Variants in NBEAL1 observed in about 807,000 individuals in gnomAD.
NBEAL1 encodes neurobeachin-like protein 1.
A neutral mutation model predicts 351.3 loss-of-function variants in NBEAL1; 273 were observed. The observed-to-expected ratio is 0.78, with a 90% CI of 0.70 to 0.86. NBEAL1 has a LOEUF of 0.86. NBEAL1 is among the 40% of genes least tolerant of loss of function. The pLI is 0.00. For missense variants in NBEAL1, 2,961 were observed against 3,201.3 expected (o/e 0.92, Z 1.81); for synonymous variants, 1,050 against 1,086.4 (o/e 0.97, Z 0.66).
intron 46 of NBEAL1, chr2:203,191,319 GAAAAAA>G: frequency 5.1e-6 from 2 of 391,066 alleles, no homozygotes; most frequent in Non-Finnish European, 8.7e-6. Context: ...TTTGACAACT[GAAAAAA>G]AAAAAAAAAA....
chr2:203,117,600 T>C (rs2062729284), intron 18 of NBEAL1, among the ~76,000 whole-genome samples: 1 of 152,228 alleles, frequency 6.6e-6, no homozygotes, highest in South Asian at 2.1e-4. Flanking sequence ...AGTTCTTTTG[T>C]CTTTTTTTCC....
chr2:203,085,732 G>A (rs1357987730), intron 10 of NBEAL1: 3 of 152,060 alleles, frequency 2.0e-5, no homozygotes, highest in East Asian at 3.8e-4. Context: ...TACAATTAAA[G>A]TAATACATAC....
intron 19 of NBEAL1, among the ~76,000 whole-genome samples, chr2:203,124,992 T>C (rs1018745488): frequency 6.6e-6 from 1 of 152,230 alleles, no homozygotes; most frequent in African/African-American, 2.4e-5. Flanking sequence ...TTTTCATTGT[T>C]TATTCTCTTG....
At chr2:203,087,251 C>G (rs1300503974) in intron 10 of NBEAL1, among the ~76,000 whole-genome samples, 2 of 151,996 alleles carry the variant, frequency 1.3e-5, no homozygotes, top group Non-Finnish European at 2.9e-5. Flanking sequence ...CGCCACCGTG[C>G]CCGGCTAATT....
intron 46 of NBEAL1, among the ~76,000 whole-genome samples, chr2:203,192,898 A>G (rs1177310630): frequency 1.3e-5 from 2 of 150,910 alleles, no homozygotes; most frequent in African/African-American, 4.9e-5. Context: ...AACAAAATTT[A>G]CTTGAAAAGT....
rs10205603 is a variant in NBEAL1, at chr2:203,068,086, G to A, written c.516-307G>A. ...GCTACTAATCTGAGCTGTCAGTTTA[G>A]CATTACTGCAGAACAAATTCTTTTA... On this transcript the variant is annotated intron_variant, in intron 6 of 55. Coordinates refer to ENST00000683969, the MANE Select transcript of NBEAL1 (RefSeq NM_001378026.1). Among the ~76,000 whole-genome samples the A allele has an allele frequency of 3.5e-3, 538 of 152,206 alleles. 4 individuals are homozygous for A. The highest frequency in any genetic ancestry group is 0.012 in the African/African-American group (496 of 41,526).
chr2:203,096,292 A>T (rs1397273163), intron 10 of NBEAL1, among the ~76,000 whole-genome samples: 1 of 152,206 alleles, frequency 6.6e-6, no homozygotes, highest in African/African-American at 2.4e-5. Flanking sequence ...ATTTATTGTT[A>T]TGTTAAGCCT....
At position 203,175,176 on chromosome 2, in the gene NBEAL1, C is replaced by T. The variant is rs372958179; in HGVS notation, c.6353C>T (p.Thr2118Ile). 5.0e-6 allele frequency: 8 copies of T among 1,611,874 alleles called. No homozygotes were observed. Among genetic ancestry groups the T allele is most frequent in the African/African-American group, 1.3e-5 (1 of 74,808 alleles). Residue 2118 changes from threonine (T) to isoleucine (I), a missense_variant, in exon 42 of 56, where the codon ACT becomes ATT. Transcript: ENST00000683969. ...GAAAATTTTGAGGATCCTATGGGAACTATTGATAAGTTTCACTATGGTACT... is the reference window on the plus strand; with the variant it reads ...GAAAATTTTGAGGATCCTATGGGAATTATTGATAAGTTTCACTATGGTACT... ...KYENFEDPMGTIDKFHYGTHY... is the reference protein window; with the variant it reads ...KYENFEDPMGIIDKFHYGTHY...
chr2:203,111,898 T>C (rs2106244160), intron 15 of NBEAL1, 81 bp from the exon 16 acceptor site: 1 of 1,421,514 alleles, frequency 7.0e-7, no homozygotes, highest in Non-Finnish European at 9.5e-7. Context: ...GTACAAATTA[T>C]AGAGCAAACT....
chr2:203,023,674 CAA>C (rs1289054691), intron 2 of NBEAL1, among the ~76,000 whole-genome samples: 1 of 150,694 alleles, frequency 6.6e-6, no homozygotes, highest in Admixed American at 6.6e-5. Flanking sequence ...GTTAGCTAGA[CAA>C]GATCACTAAC....
At chr2:203,121,053 C>G (rs1222112381) in intron 18 of NBEAL1, among the ~76,000 whole-genome samples, 1 of 152,176 alleles carries the variant, frequency 6.6e-6, no homozygotes, top group African/African-American at 2.4e-5. Context: ...ATGAAGTTAA[C>G]ATGCCTTTAC....
intron 54 of NBEAL1, among the ~76,000 whole-genome samples, 198 bp from the exon 55 acceptor site, chr2:203,213,320 A>C (rs1482544847): frequency 6.6e-6 from 1 of 152,160 alleles, no homozygotes; most frequent in African/African-American, 2.4e-5. Flanking sequence ...TAGAGAAAAA[A>C]ATCTATCAAG....
chr2:203,108,574 A>T (rs1030541672), intron 14 of NBEAL1, among the ~76,000 whole-genome samples: 3 of 147,082 alleles, frequency 2.0e-5, no homozygotes, highest in African/African-American at 5.0e-5. Context: ...AATTTTTTGT[A>T]TTTTTTTTTT....
At chr2:203,100,593 C>G (rs2062295335) in intron 12 of NBEAL1, among the ~76,000 whole-genome samples, 1 of 148,826 alleles carries the variant, frequency 6.7e-6, no homozygotes, top group Admixed American at 6.9e-5. Flanking sequence ...GTCGCCCAAG[C>G]TGGAGTGCAG....
Position 203,107,512 on chromosome 2 carries a change from G to A in NBEAL1, c.1362G>A (p.Met454Ile). Residue 454 changes from methionine to isoleucine, a missense_variant, in exon 13 of 56, where the codon ATG becomes ATA. Physicochemically the swap from Met to Ile is conservative, Grantham distance 10 (BLOSUM62 1). Coordinates refer to ENST00000683969, the MANE Select transcript of NBEAL1 (RefSeq NM_001378026.1). ...QPPLELLKEL[M>I]NMAVEGDHTS... is the part of the protein sequence containing the mutation. ...CACTGGAATTACTTAAAGAACTTAT[G>A]AATATGGTGAGTTTATAACCTTTAT... 1.3e-6 allele frequency: 2 copies of A among 1,548,748 alleles called. No homozygotes were observed. The highest frequency in any genetic ancestry group is 1.7e-6 in the Non-Finnish European group (2 of 1,144,540).
intron 39 of NBEAL1, 38 bp from the exon 40 acceptor site, chr2:203,171,890 T>C (rs1286541932): frequency 2.0e-5 from 25 of 1,267,748 alleles, no homozygotes; most frequent in Non-Finnish European, 2.4e-5. Flanking sequence ...AGATGTAGAT[T>C]TTTAAATTTT....
chr2:203,211,794 A>C (rs928321871), intron 54 of NBEAL1, among the ~76,000 whole-genome samples: 1 of 152,222 alleles, frequency 6.6e-6, no homozygotes, highest in African/African-American at 2.4e-5. Context: ...TATTTAACAT[A>C]TTTAAGCATG....
At chr2:203,075,815 C>T (rs1016099027) in intron 7 of NBEAL1, among the ~76,000 whole-genome samples, 20 of 152,200 alleles carry the variant, frequency 1.3e-4, no homozygotes, top group Non-Finnish European at 2.9e-5. Flanking sequence ...GTGTGTATCA[C>T]AGTTCTGTGA....
chr2:203,189,342 G>A (rs2105770289), intron 45 of NBEAL1, among the ~76,000 whole-genome samples: 2 of 152,208 alleles, frequency 1.3e-5, no homozygotes, highest in South Asian at 4.2e-4. Context: ...ACAATTAGGT[G>A]TACTCTGAGT....
Sources: gnomAD v4.1 joint callset for allele counts (sites outside exome capture counted in the v4.1 genomes callset) on GRCh38, gnomAD v4.1.1 for gene constraint, MANE v1.5 for transcripts, NCBI Gene and HGNC (gene_info 2026-07-23, HGNC 2026-07-21) for gene names.